The following TRPM3 variants were observed in gnomAD, a reference collection of about 807,000 sequenced individuals.
TRPM3 encodes transient receptor potential cation channel subfamily M member 3.
TRPM3 carries 77 observed loss-of-function variants against 181.2 expected under a neutral mutation model. That is an observed-to-expected ratio of 0.42 (90% CI 0.35 to 0.51). The LOEUF (loss-of-function observed/expected upper bound fraction) is 0.51. Ranked by LOEUF, TRPM3 falls within the 20% of genes least tolerant of loss-of-function variation. TRPM3 has a pLI of 0.01. For missense variants in TRPM3, 1,759 were observed against 2,196.7 expected (o/e 0.80, Z 3.98); for synonymous variants, 745 against 796.4 (o/e 0.94, Z 1.09).
intron 1 of TRPM3, among the ~76,000 whole-genome samples, chr9:71,395,201 T>C (rs2093161823): frequency 6.6e-6 from 1 of 152,228 alleles, no homozygotes; most frequent in African/African-American, 2.4e-5. Context: ...ATCTTCTCAA[T>C]GAAATTTCCC....
At chr9:71,311,746 C>T (rs1219409575) in intron 1 of TRPM3, among the ~76,000 whole-genome samples, 4 of 151,706 alleles carry the variant, frequency 2.6e-5, no homozygotes, top group Admixed American at 2.6e-4. Context: ...GAAGAATTGT[C>T]TTGGGCCACA....
intron 1 of TRPM3, among the ~76,000 whole-genome samples, chr9:70,914,126 A>C (rs1300445894): frequency 6.6e-6 from 1 of 152,170 alleles, no homozygotes. Flanking sequence ...TTTGGAGGTA[A>C]TATTTAGGTC....
At chr9:70,751,999 AGTGTGTGTGTGTGTGTGTGTGT>A (rs71507124) in intron 8 of TRPM3, among the ~76,000 whole-genome samples, 24 of 104,570 alleles carry the variant, frequency 2.3e-4, no homozygotes, top group Middle Eastern at 5.7e-3. Context: ...ACATCTCAAC[AGTGTGTGTGTGTGTGTGTGTGT>A]GTGTGTGTGT....
chr9:70,620,845 G>C (rs1391509691), intron 15 of TRPM3, among the ~76,000 whole-genome samples: 2 of 151,794 alleles, frequency 1.3e-5, no homozygotes, highest in South Asian at 2.1e-4. Context: ...CTTTAGACCT[G>C]TCATCACTTG....
At chr9:71,071,863 C>G (rs1424053134) in intron 1 of TRPM3, among the ~76,000 whole-genome samples, 1 of 152,158 alleles carries the variant, frequency 6.6e-6, no homozygotes, top group African/African-American at 2.4e-5. Context: ...GGATGTGGTT[C>G]ACATAGAGGG....
intron 6 of TRPM3, among the ~76,000 whole-genome samples, chr9:70,797,636 G>C (rs1256340170): frequency 6.6e-6 from 1 of 152,266 alleles, no homozygotes; most frequent in African/African-American, 2.4e-5. Flanking sequence ...TTTCAGATGA[G>C]TATCTTTCCT....
chr9:70,937,645 T>C (rs951339543), intron 1 of TRPM3, among the ~76,000 whole-genome samples: 1 of 152,206 alleles, frequency 6.6e-6, no homozygotes, highest in African/African-American at 2.4e-5. Flanking sequence ...CTCTTTTGTG[T>C]GTAAACCTCA....
At chr9:70,984,653 T>A (rs7875585) in intron 1 of TRPM3, among the ~76,000 whole-genome samples, 21,323 of 152,096 alleles carry the variant, frequency 0.14, 1,650 homozygotes, top group East Asian at 0.21. Flanking sequence ...GAAGCAGAAA[T>A]TGGAGTGATG....
chr9:71,406,761 G>A (rs896915199), intron 1 of TRPM3, among the ~76,000 whole-genome samples: 41 of 152,112 alleles, frequency 2.7e-4, no homozygotes, highest in Admixed American at 1.4e-3. Context: ...AGACTCTGGG[G>A]TATTGAGTCC....
chr9:70,832,402 A>T (rs1318176329), intron 5 of TRPM3, among the ~76,000 whole-genome samples: 1 of 152,166 alleles, frequency 6.6e-6, no homozygotes, highest in Non-Finnish European at 1.5e-5. Flanking sequence ...GTAAGCAATG[A>T]CATTTGCCTC....
chr9:71,093,600 A>C lies in TRPM3; in HGVS notation c.177+27578T>G, dbSNP rs189978217. Among the ~76,000 whole-genome samples, 37 of 152,338 alleles carry C rather than the reference A, an allele frequency of 2.4e-4. No individual in the cohort carries two copies. In the East Asian group the frequency reaches 6.4e-3, roughly 26 times the overall value. On this transcript the variant is annotated intron_variant, in intron 1 of 25. Transcript: ENST00000677713. ...AGTCAGGCAACAATAGATGCTGGAA[A>C]GGATGTGGAGAAATAGGAACGCTTT...
chr9:71,354,542 CAA>C (rs1329598303), intron 1 of TRPM3, among the ~76,000 whole-genome samples: 1 of 152,184 alleles, frequency 6.6e-6, no homozygotes, highest in East Asian at 1.9e-4. Flanking sequence ...TATTTTATTT[CAA>C]AAGATACCTG....
At chr9:71,051,956 G>A (rs1233293860) in intron 1 of TRPM3, among the ~76,000 whole-genome samples, 2 of 152,008 alleles carry the variant, frequency 1.3e-5, no homozygotes, top group South Asian at 2.1e-4. Context: ...TCCGTATCTC[G>A]AAGAAAAGAA....
intron 8 of TRPM3, among the ~76,000 whole-genome samples, chr9:70,696,203 T>C (rs755751643): frequency 1.5e-4 from 23 of 152,210 alleles, no homozygotes; most frequent in Non-Finnish European, 3.1e-4. Flanking sequence ...ATTCCTCCAA[T>C]CTCAGTCCAA....
At chr9:71,192,301 T>G (rs760984237) in intron 1 of TRPM3, among the ~76,000 whole-genome samples, 3 of 151,784 alleles carry the variant, frequency 2.0e-5, no homozygotes, top group Admixed American at 6.6e-5. Flanking sequence ...ATCATGAGAA[T>G]TATGAAAAGG....
intron 22 of TRPM3, among the ~76,000 whole-genome samples, chr9:70,578,557 A>C (rs1234751546): frequency 1.3e-5 from 2 of 152,344 alleles, no homozygotes; most frequent in East Asian, 3.9e-4. Flanking sequence ...AGACACCCTA[A>C]GTGCCCGATG....
At chr9:71,028,194 A>T (rs1194212056) in intron 1 of TRPM3, among the ~76,000 whole-genome samples, 2 of 152,190 alleles carry the variant, frequency 1.3e-5, no homozygotes, top group Non-Finnish European at 2.9e-5. Context: ...TCCAACCAAG[A>T]ATTTCATATT....
At chr9:70,825,956 A>T (rs1377792834) in intron 6 of TRPM3, 1 of 152,204 alleles carries the variant, frequency 6.6e-6, no homozygotes, top group Admixed American at 6.5e-5. Context: ...ACACGAACAC[A>T]TCCCTAGGCC....
At chr9:71,205,291 GGAACAA>G (rs2079059243) in intron 1 of TRPM3, among the ~76,000 whole-genome samples, 3 of 152,000 alleles carry the variant, frequency 2.0e-5, no homozygotes. Flanking sequence ...TGTTGAAAGA[GGAACAA>G]GAACGATTAT....
Sources: allele counts gnomAD v4.1 joint callset (sites outside exome capture counted in the v4.1 genomes callset), GRCh38; gene constraint gnomAD v4.1.1; transcripts MANE v1.5; gene names NCBI Gene and HGNC (gene_info 2026-07-23, HGNC 2026-07-21).